Variants in CNTNAP2 observed in about 807,000 individuals in gnomAD.
The protein encoded by CNTNAP2 is contactin associated protein 2, also known as contactin-associated protein-like 2.
CNTNAP2 carries 98 observed loss-of-function variants against 155.2 expected under a neutral mutation model. That is an observed-to-expected ratio of 0.63 (90% CI 0.54 to 0.75). The LOEUF (loss-of-function observed/expected upper bound fraction) is 0.75, where lower values mean the gene tolerates loss of function less well. Among genes scored for constraint, CNTNAP2 ranks in the 30% least tolerant of loss-of-function variants. The pLI, the probability that CNTNAP2 is intolerant of heterozygous loss-of-function variation, is 0.00. For synonymous variants in CNTNAP2, 651 were observed against 631.2 expected (o/e 1.03, Z -0.47); for missense variants, 1,727 against 1,688.1 (o/e 1.02, Z -0.40).
chr7:146,264,997 C>G (rs1327895138), intron 1 of CNTNAP2, among the ~76,000 whole-genome samples: 1 of 152,066 alleles, frequency 6.6e-6, no homozygotes, highest in Non-Finnish European at 1.5e-5. Context: ...TGAATGTGTA[C>G]TTTAATACTT....
intron 3 of CNTNAP2, among the ~76,000 whole-genome samples, chr7:146,980,265 G>C (rs559997138): frequency 6.6e-6 from 1 of 151,996 alleles, no homozygotes; most frequent in Admixed American, 6.6e-5. Context: ...TGTCAGAAGG[G>C]GGCAAGTGAT....
At chr7:147,296,973 A>C (rs1054643174) in intron 8 of CNTNAP2, among the ~76,000 whole-genome samples, 1 of 152,210 alleles carries the variant, frequency 6.6e-6, no homozygotes, top group Non-Finnish European at 1.5e-5. Context: ...AGTGGGATGA[A>C]GAGATATACT....
intron 21 of CNTNAP2, among the ~76,000 whole-genome samples, chr7:148,360,620 T>G (rs1468685158): frequency 6.6e-6 from 1 of 152,134 alleles, no homozygotes; most frequent in Non-Finnish European, 1.5e-5. Context: ...GGCATTTAGG[T>G]AGTGCATGCT....
chr7:147,206,960 T>TTTGAATTG (rs1803035895), intron 8 of CNTNAP2, among the ~76,000 whole-genome samples: 1 of 152,182 alleles, frequency 6.6e-6, no homozygotes, highest in African/African-American at 2.4e-5. Flanking sequence ...TTACTGCTCA[T>TTTGAATTG]TTCAGTAAAT....
At chr7:146,355,069 ATAAG>A (rs1404282878) in intron 1 of CNTNAP2, among the ~76,000 whole-genome samples, 2 of 152,212 alleles carry the variant, frequency 1.3e-5, no homozygotes, top group Non-Finnish European at 2.9e-5. Flanking sequence ...ATTTCTAAAA[ATAAG>A]TAAGGTAAAA....
intron 3 of CNTNAP2, among the ~76,000 whole-genome samples, chr7:146,920,373 G>A (rs754170410): frequency 1.3e-5 from 2 of 151,334 alleles, no homozygotes; most frequent in Admixed American, 6.6e-5. Context: ...GAGATTCCAC[G>A]CCATTGCACT....
intron 1 of CNTNAP2, among the ~76,000 whole-genome samples, chr7:146,642,868 G>T (rs1799736197): frequency 6.6e-6 from 1 of 151,942 alleles, no homozygotes; most frequent in African/African-American, 2.4e-5. Context: ...GTGTGAGATG[G>T]TATCTCGTTG....
chr7:148,057,432 A>G (rs1803040876), intron 15 of CNTNAP2, among the ~76,000 whole-genome samples: 2 of 152,138 alleles, frequency 1.3e-5, no homozygotes, highest in South Asian at 2.1e-4. Flanking sequence ...AGGTCTCACT[A>G]AATTCGAGAT....
In CNTNAP2 at chr7:148,062,008, TG is replaced by T. The variant is rs1563185644; in HGVS notation, c.2384-56109del. On this transcript the variant is annotated intron_variant, in intron 15 of 23. Coordinates refer to ENST00000361727, the MANE Select transcript of CNTNAP2 (RefSeq NM_014141.6). ...ATAGATAGATAGATAGATAGATAGA[TG>T]ATAGAGAGAGAGAGAGAGAGTGTGT... Among the ~76,000 whole-genome samples the T allele has an allele frequency of 6.2e-3, 487 of 78,450 alleles. 16 individuals carry two copies. The highest frequency in any genetic ancestry group is 0.011 in the South Asian group (27 of 2,356). The allele number at this position is 78,450 out of a possible 152,430, so 51.5% of individuals were successfully genotyped here. A position where few individuals can be genotyped will look rare whatever the true frequency, so the allele number is the denominator to read the frequency against.
intron 11 of CNTNAP2, among the ~76,000 whole-genome samples, chr7:147,545,998 C>T (rs1799723065): frequency 6.6e-6 from 1 of 152,162 alleles, no homozygotes; most frequent in Admixed American, 6.6e-5. Flanking sequence ...ATGTGACTTT[C>T]ACCTTCCGCC....
intron 3 of CNTNAP2, among the ~76,000 whole-genome samples, chr7:146,967,934 T>C (rs1049104537): frequency 9.3e-5 from 14 of 151,140 alleles, no homozygotes; most frequent in Non-Finnish European, 5.9e-5. Flanking sequence ...CAGTATGATA[T>C]TGGCTGTGGG....
At chr7:147,532,734 T>G (rs1316246225) in intron 11 of CNTNAP2, among the ~76,000 whole-genome samples, 12 of 152,178 alleles carry the variant, frequency 7.9e-5, no homozygotes, top group Admixed American at 7.9e-4. Flanking sequence ...AGACACTTCT[T>G]ACGTGGCAGC....
At chr7:147,731,858 A>C (rs1796745181) in intron 13 of CNTNAP2, among the ~76,000 whole-genome samples, 1 of 152,162 alleles carries the variant, frequency 6.6e-6, no homozygotes, top group Non-Finnish European at 1.5e-5. Flanking sequence ...TCCAACCCTT[A>C]TGGATGACTT....
chr7:147,269,961 C>T (rs1263972235), intron 8 of CNTNAP2, among the ~76,000 whole-genome samples: 1 of 151,922 alleles, frequency 6.6e-6, no homozygotes, highest in African/African-American at 2.4e-5. Context: ...ATTCAGGAGG[C>T]TGAGATGGAA....
intron 11 of CNTNAP2, among the ~76,000 whole-genome samples, chr7:147,533,710 C>CAA (rs762259674): frequency 0.012 from 1,491 of 124,572 alleles, 24 homozygotes; most frequent in African/African-American, 0.041. Flanking sequence ...GATCCCATCT[C>CAA]AAAAAAAAAA....
chr7:147,698,139 T>A (rs912182884), intron 13 of CNTNAP2, among the ~76,000 whole-genome samples: 2 of 152,216 alleles, frequency 1.3e-5, no homozygotes, highest in African/African-American at 4.8e-5. Context: ...TGTGGTTTGC[T>A]CTATGAGTAC....
chr7:147,682,447 T>A (rs558266164), intron 13 of CNTNAP2, among the ~76,000 whole-genome samples: 1 of 152,088 alleles, frequency 6.6e-6, no homozygotes, highest in African/African-American at 2.4e-5. Flanking sequence ...ATAAAGGACA[T>A]GAACTAATGT....
chr7:146,509,703 T>A (rs2129135015), intron 1 of CNTNAP2, among the ~76,000 whole-genome samples: 1 of 152,234 alleles, frequency 6.6e-6, no homozygotes, highest in Non-Finnish European at 1.5e-5. Context: ...CTCCAACCTG[T>A]GTACGTCGGC....
At chr7:146,142,650 A>G (rs1797897327) in intron 1 of CNTNAP2, among the ~76,000 whole-genome samples, 1 of 152,206 alleles carries the variant, frequency 6.6e-6, no homozygotes, top group Admixed American at 6.5e-5. Flanking sequence ...CCTTAGAAAT[A>G]GATTACATGA....
Sources: gnomAD v4.1 joint callset for allele counts (sites outside exome capture counted in the v4.1 genomes callset) on GRCh38, gnomAD v4.1.1 for gene constraint, MANE v1.5 for transcripts, NCBI Gene and HGNC (gene_info 2026-07-23, HGNC 2026-07-21) for gene names.